KRT12: variants seen among roughly 807,000 people sequenced by gnomAD.
The protein encoded by KRT12 is keratin 12.
KRT12 carries 43 observed loss-of-function variants against 50.2 expected under a neutral mutation model. The ratio of observed to expected loss-of-function variants is 0.86; its 90% CI spans 0.67 to 1.11. KRT12 has a LOEUF of 1.11. Ranked by LOEUF, KRT12 falls within the 50% of genes least tolerant of loss-of-function variation. The pLI is 0.00. For missense variants in KRT12, 588 were observed against 625.6 expected (o/e 0.94, Z 0.64); for synonymous variants, 257 against 253.6 (o/e 1.01, Z -0.13).
intron 7 of KRT12, 66 bp from the exon 8 acceptor site, chr17:40,861,824 T>C: frequency 2.0e-6 from 2 of 1,019,556 alleles, no homozygotes; most frequent in Non-Finnish European, 3.1e-6. Flanking sequence ...ACACTGGTTG[T>C]TTAATGTAGG....
rs1455679244 is a variant in KRT12 at position 40,863,701 on chromosome 17, A to G, written c.969+2T>C. On this transcript the variant is annotated splice_donor_variant, in intron 4 of 7. Transcript: ENST00000251643. LOFTEE classifies it high-confidence loss of function. This position sits in a 1 kb window ranked among gnomAD's most constrained non-coding sequence, Gnocchi z 4.2. Reference sequence around the variant, plus strand: ...TATCAAAGCCTTTGTTGTTTGTGTTACCTTTTCAATGAACCAGGCTTCAGC... The same window carrying G: ...TATCAAAGCCTTTGTTGTTTGTGTTGCCTTTTCAATGAACCAGGCTTCAGC... The G allele has an allele frequency of 6.2e-7, 1 of 1,613,886 alleles. No individual in the cohort carries two copies. The highest frequency in any genetic ancestry group is 8.5e-7 in the Non-Finnish European group (1 of 1,180,034).
In KRT12 at chr17:40,867,072, C is replaced by T; in HGVS notation, c.115G>A (p.Gly39Arg). Residue 39 changes from glycine to arginine, a missense_variant, in exon 1 of 8, where the codon GGA (glycine) becomes AGA (arginine). Gly to Arg is a moderately radical substitution (Grantham distance 125, BLOSUM62 -2). Coordinates refer to ENST00000251643, the MANE Select transcript of KRT12 (RefSeq NM_000223.4). Reference protein sequence around the residue: ...RPRGMSASSVGSGYGGSAFGF... With the variant: ...RPRGMSASSVRSGYGGSAFGF... ...AAGGCACTTCCCCCATAACCACTTC[C>T]AACACTGGAAGCAGACATGCCCCTG... 1 of 1,613,346 alleles carries T rather than the reference C, an allele frequency of 6.2e-7. No homozygotes were observed. Among genetic ancestry groups the T allele is most frequent in the Non-Finnish European group, 8.5e-7 (1 of 1,179,498 alleles).
intron 7 of KRT12, 74 bp from the exon 8 acceptor site, chr17:40,861,832 A>G (rs1370799544): frequency 2.1e-6 from 2 of 963,598 alleles, no homozygotes; most frequent in South Asian, 1.3e-5. Flanking sequence ...TGTTTAATGT[A>G]GGCTTCTAAA....
rs1234230495 is a variant in KRT12, at chr17:40,863,442, TG to T, written c.1095+42del. The T allele has an allele frequency of 6.2e-7, 1 of 1,614,132 alleles. No individual in the cohort carries two copies. Among genetic ancestry groups the T allele is most frequent in the African/African-American group, 1.3e-5 (1 of 74,948 alleles). On this transcript the variant is annotated intron_variant, in intron 5 of 7. Coordinates refer to ENST00000251643, the MANE Select transcript of KRT12 (RefSeq NM_000223.4). This position sits in a 1 kb window ranked among gnomAD's most constrained non-coding sequence, Gnocchi z 4.2. Reference sequence around the variant, plus strand: ...TGTAATTTGGATGCAGCATTTTCTTTGGAAGTCCAAAGGATGCTACGTCTGT... The same window carrying T: ...TGTAATTTGGATGCAGCATTTTCTTTGAAGTCCAAAGGATGCTACGTCTGT...
At position 40,866,944 on chromosome 17, in the gene KRT12, C is replaced by T. The variant is rs1907052517; in HGVS notation, c.243G>A (p.Leu81=). 1 of 1,607,504 alleles carries T rather than the reference C, an allele frequency of 6.2e-7. No homozygotes were observed. The highest frequency in any genetic ancestry group is 1.3e-5 in the African/African-American group (1 of 74,418). ...CCAGGGCTCTCCCATAACCAGCACC[C>T]AGTCCTCCTGCCATGGAACTTCCGG... ...GGSGSSMAGG[L]GAGYGRALGG... Residue 81 remains leucine (L), a synonymous_variant, in exon 1 of 8, where the codon CTG becomes CTA. Coordinates refer to ENST00000251643, the MANE Select transcript of KRT12 (RefSeq NM_000223.4).
rs1238646813 is a variant in KRT12, at chr17:40,866,187, A to G, written c.618T>C (p.Asn206=). The G allele has an allele frequency of 5.0e-6, 8 of 1,614,160 alleles. No homozygotes were observed. Among genetic ancestry groups the G allele is most frequent in the South Asian group, 4.4e-5 (4 of 91,084 alleles). The change falls in exon 2 of 8, where the codon AAT becomes AAC. Residue 206 remains asparagine, a synonymous_variant. Transcript: ENST00000251643. ...GNAQLLLQID[N]ARLAAEDFRM... is the part of the protein sequence containing the mutation. ...TGAAGTCCTCAGCAGCTAGTCTCGC[A>G]TTGTCAATCTGCAAGAGGAGCTGGG... is the stretch of plus-strand genomic sequence containing the variant.
At chr17:40,865,630 C>G (rs1487133789) in intron 2 of KRT12, among the ~76,000 whole-genome samples, 2 of 151,830 alleles carry the variant, frequency 1.3e-5, no homozygotes, top group Admixed American at 1.3e-4. Flanking sequence ...GAGTTTGAGA[C>G]CAGCCTGGCC....
At position 40,866,189 on chromosome 17, in the gene KRT12, T is replaced by C. The variant is rs1163147051; in HGVS notation, c.616A>G (p.Asn206Asp). The change falls in exon 2 of 8, where the codon AAT becomes GAT. Residue 206 changes from asparagine (N) to aspartate (D), a missense_variant. Coordinates refer to ENST00000251643, the MANE Select transcript of KRT12 (RefSeq NM_000223.4). ...AAGTCCTCAGCAGCTAGTCTCGCAT[T>C]GTCAATCTGCAAGAGGAGCTGGGCA... ...GNAQLLLQID[N>D]ARLAAEDFRM... The C allele has an allele frequency of 6.2e-7, 1 of 1,614,144 alleles. No individual in the cohort carries two copies. The highest frequency in any genetic ancestry group is 1.1e-5 in the South Asian group (1 of 91,082).
chr17:40,861,794 G>T, intron 7 of KRT12, 36 bp from the exon 8 acceptor site: 1 of 1,355,740 alleles, frequency 7.4e-7, no homozygotes, highest in Non-Finnish European at 1.1e-6. Flanking sequence ...GCAAGAGTTA[G>T]TGTTTCAAAT....
intron 6 of KRT12, among the ~76,000 whole-genome samples, chr17:40,862,872 G>C (rs1056095578): frequency 1.3e-5 from 2 of 152,168 alleles, no homozygotes; most frequent in Non-Finnish European, 2.9e-5. Flanking sequence ...ATAGTACAGG[G>C]AGTACTCATT....
intron 7 of KRT12, among the ~76,000 whole-genome samples, 157 bp downstream of exon 7, chr17:40,862,408 T>C: frequency 6.6e-6 from 1 of 152,242 alleles, no homozygotes; most frequent in East Asian, 1.9e-4. Flanking sequence ...ACTACTCATT[T>C]TGTGCAGGAA....
chr17:40,864,759 G>C, intron 3 of KRT12, 47 bp downstream of exon 3: 2 of 1,551,246 alleles, frequency 1.3e-6, no homozygotes, highest in Non-Finnish European at 1.7e-6. Context: ...TTTTGGGTCT[G>C]GGAGAAAAAA....
At position 40,863,444 on chromosome 17, in the gene KRT12, G is replaced by T. The variant is rs751469004; in HGVS notation, c.1095+41C>A. 1 of 1,614,230 alleles carries T rather than the reference G, an allele frequency of 6.2e-7. No individual in the cohort carries two copies. The highest frequency in any genetic ancestry group is 1.3e-5 in the African/African-American group (1 of 75,068). ...TAATTTGGATGCAGCATTTTCTTTG[G>T]AAGTCCAAAGGATGCTACGTCTGTT... On this transcript the variant is annotated intron_variant, in intron 5 of 7. Transcript: ENST00000251643. The surrounding 1 kb of genome is among the most constrained non-coding windows in gnomAD (Gnocchi z 4.2).
intron 3 of KRT12, among the ~76,000 whole-genome samples, 189 bp from the exon 4 acceptor site, chr17:40,864,053 A>G (rs1906918552): frequency 6.6e-6 from 1 of 151,950 alleles, no homozygotes; most frequent in Admixed American, 6.6e-5. Flanking sequence ...ATACATTAAA[A>G]CTTTTTTAAC....
chr17:40,863,967 C>CACACACACACACAG lies in KRT12; in HGVS notation c.808-104_808-103insCTGTGTGTGTGTGT. The CACACACACACACAG allele has an allele frequency of 1.6e-6, 1 of 626,542 alleles. No homozygotes were observed. The highest frequency in any genetic ancestry group is 2.7e-6 in the Non-Finnish European group (1 of 368,474). 38.8% of individuals were successfully genotyped at this position (626,542 alleles called of 1,614,324 possible). A position where few individuals can be genotyped will look rare whatever the true frequency, so the allele number is the denominator to read the frequency against. On this transcript the variant is annotated intron_variant, in intron 3 of 7. Transcript: ENST00000251643. This position sits in a 1 kb window ranked among gnomAD's most constrained non-coding sequence, Gnocchi z 4.2. The stretch of plus-strand genomic sequence containing the variant: ...GGGCCCCTTCCTACACACACACACA[C>CACACACACACACAG]ACACACACACACACACACACACACT...
intron 3 of KRT12, 43 bp downstream of exon 3, chr17:40,864,763 G>GC (rs1555552202): frequency 6.7e-7 from 1 of 1,488,696 alleles, no homozygotes; most frequent in African/African-American, 1.4e-5. Flanking sequence ...GGGTCTGGGA[G>GC]AAAAAAAAAA....
intron 7 of KRT12, among the ~76,000 whole-genome samples, chr17:40,862,311 G>A (rs1451075421): frequency 1.3e-5 from 2 of 151,984 alleles, no homozygotes; most frequent in Admixed American, 6.5e-5. Context: ...GGCCTCAAGC[G>A]ATCCTCCCAC....
intron 7 of KRT12, among the ~76,000 whole-genome samples, chr17:40,862,223 C>T (rs1013058200): frequency 1.3e-4 from 20 of 152,072 alleles, no homozygotes; most frequent in African/African-American, 4.8e-4. Context: ...TATACACCAC[C>T]ACACCCAGCT....
At chr17:40,862,834 G>T (rs550515463) in intron 6 of KRT12, among the ~76,000 whole-genome samples, 199 bp from the exon 7 acceptor site, 1 of 152,274 alleles carries the variant, frequency 6.6e-6, no homozygotes, top group Admixed American at 6.5e-5. Flanking sequence ...TCAGGTCTTT[G>T]ATATCAGAAA....
Sources: allele counts gnomAD v4.1 joint callset (sites outside exome capture counted in the v4.1 genomes callset), GRCh38; gene constraint gnomAD v4.1.1; non-coding constraint Gnocchi (gnomAD v3.1); transcripts MANE v1.5; gene names NCBI Gene and HGNC (gene_info 2026-07-23, HGNC 2026-07-21).